Variants in MEGF11 observed in about 807,000 individuals in gnomAD.
MEGF11 encodes the protein multiple EGF like domains 11, also known as multiple epidermal growth factor-like domains protein 11.
MEGF11 carries 126 observed loss-of-function variants against 146.6 expected under a neutral mutation model. The ratio of observed to expected loss-of-function variants is 0.86; its 90% CI spans 0.74 to 1.00. MEGF11 has a LOEUF of 1.00. Ranked by LOEUF, MEGF11 falls within the 50% of genes least tolerant of loss-of-function variation. The pLI is 0.00. For missense variants in MEGF11, 1,509 were observed against 1,521.2 expected (o/e 0.99, Z 0.13); for synonymous variants, 532 against 583.4 (o/e 0.91, Z 1.27).
At chr15:66,248,002 G>T (rs1267076832) in intron 1 of MEGF11, among the ~76,000 whole-genome samples, 2 of 150,536 alleles carry the variant, frequency 1.3e-5, no homozygotes, top group Non-Finnish European at 1.5e-5. Flanking sequence ...AAAAAAAATT[G>T]TTCTAGGTCA....
intron 5 of MEGF11, among the ~76,000 whole-genome samples, chr15:65,992,451 G>T (rs1596964146): frequency 5.6e-5 from 1 of 17,902 alleles, no homozygotes; most frequent in Non-Finnish European, 1.6e-4. Context: ...GTGTGTGTGT[G>T]GGGGGGGGGG....
intron 5 of MEGF11, among the ~76,000 whole-genome samples, chr15:66,017,585 C>T (rs2082933347): frequency 6.6e-6 from 1 of 152,200 alleles, no homozygotes; most frequent in Non-Finnish European, 1.5e-5. Flanking sequence ...CCTCCCCTCC[C>T]AGGATGCCTC....
intron 1 of MEGF11, among the ~76,000 whole-genome samples, chr15:66,223,722 C>CA (rs2091786909): frequency 6.6e-6 from 1 of 151,436 alleles, no homozygotes; most frequent in African/African-American, 2.4e-5. Context: ...GGCTCAGTCT[C>CA]AAAAAAATAA....
intron 5 of MEGF11, among the ~76,000 whole-genome samples, chr15:66,012,359 T>G (rs2082734911): frequency 6.6e-6 from 1 of 152,194 alleles, no homozygotes; most frequent in South Asian, 2.1e-4. Context: ...CTCCGCTCCC[T>G]AGTTAGTGGC....
chr15:65,914,259 T>G, intron 19 of MEGF11: 1 of 520,938 alleles, frequency 1.9e-6, no homozygotes, highest in East Asian at 2.9e-5. Context: ...ATTAATTCAT[T>G]TACTCTTCAG....
At chr15:66,064,399 A>G (rs964548532) in intron 5 of MEGF11, among the ~76,000 whole-genome samples, 6 of 152,208 alleles carry the variant, frequency 3.9e-5, no homozygotes, top group African/African-American at 7.2e-5. Context: ...CGCTGTATCA[A>G]ACAACTTCAA....
chr15:66,230,579 G>T (rs932376847), intron 1 of MEGF11, among the ~76,000 whole-genome samples: 16 of 152,204 alleles, frequency 1.1e-4, no homozygotes, highest in African/African-American at 3.9e-4. Context: ...AATAATGATA[G>T]ATGTCTTACA....
Position 65,922,400 on chromosome 15 carries a change from C to G in MEGF11, c.1895G>C (p.Cys632Ser). Residue 632 changes from cysteine (C) to serine (S), a missense_variant, in exon 15 of 26, where the codon TGC (cysteine) becomes TCC (serine). Physicochemically the swap from Cys to Ser is moderately radical, Grantham distance 112 (BLOSUM62 -1). Transcript: ENST00000395614. ...CPLCVHSSRP[C>S]HHISGICECL... ...CTCACAGATGCCGCTGATGTGGTGG[C>G]AGGGCCTGCTGCTGTGCACGCAGAG... is the stretch of plus-strand genomic sequence containing the variant. The G allele has an allele frequency of 1.3e-6, 2 of 1,598,218 alleles. No homozygotes were observed. The highest frequency in any genetic ancestry group is 1.7e-6 in the Non-Finnish European group (2 of 1,172,844).
chr15:66,059,806 C>T (rs530713917), intron 5 of MEGF11, among the ~76,000 whole-genome samples: 4 of 152,238 alleles, frequency 2.6e-5, no homozygotes, highest in Admixed American at 6.5e-5. Flanking sequence ...AGAAGAAGCC[C>T]GGCTCCCAGG....
chr15:66,210,546 G>A (rs917042131), intron 1 of MEGF11, among the ~76,000 whole-genome samples: 4 of 152,120 alleles, frequency 2.6e-5, no homozygotes, highest in Non-Finnish European at 5.9e-5. Flanking sequence ...CCCAGGCCAA[G>A]TATCTTGCAA....
At chr15:66,023,802 G>A (rs552925892) in intron 5 of MEGF11, among the ~76,000 whole-genome samples, 1 of 152,260 alleles carries the variant, frequency 6.6e-6, no homozygotes, top group Non-Finnish European at 1.5e-5. Flanking sequence ...CTGTCAGAGA[G>A]TGCCAATCAC....
intron 1 of MEGF11, among the ~76,000 whole-genome samples, chr15:66,180,851 A>C (rs1429813355): frequency 6.6e-6 from 1 of 152,242 alleles, no homozygotes; most frequent in Non-Finnish European, 1.5e-5. Context: ...ATTTAAATAC[A>C]GCAAAGGAAC....
At chr15:65,956,504 TCA>T (rs1334849767) in intron 10 of MEGF11, among the ~76,000 whole-genome samples, 2 of 152,180 alleles carry the variant, frequency 1.3e-5, no homozygotes, top group African/African-American at 2.4e-5. Flanking sequence ...TGGTCCAAGG[TCA>T]CACAATTGGT....
intron 1 of MEGF11, among the ~76,000 whole-genome samples, chr15:66,201,487 C>T (rs1015048939): frequency 6.6e-6 from 1 of 152,156 alleles, no homozygotes; most frequent in South Asian, 2.1e-4. Flanking sequence ...TGAGGCCAAG[C>T]AGCACTGGAC....
intron 5 of MEGF11, among the ~76,000 whole-genome samples, chr15:66,041,118 G>A (rs2083957771): frequency 6.6e-6 from 1 of 152,142 alleles, no homozygotes; most frequent in Non-Finnish European, 1.5e-5. Context: ...TTTGAGATGG[G>A]CAGGTTTGTT....
intron 4 of MEGF11, among the ~76,000 whole-genome samples, chr15:66,115,726 G>A (rs780728014): frequency 6.6e-6 from 1 of 152,200 alleles, no homozygotes; most frequent in African/African-American, 2.4e-5. Flanking sequence ...GTTAAAATGA[G>A]GTCATTAGAG....
chr15:66,085,984 A>T (rs1017515650), intron 5 of MEGF11, among the ~76,000 whole-genome samples: 1 of 152,234 alleles, frequency 6.6e-6, no homozygotes, highest in African/African-American at 2.4e-5. Flanking sequence ...TAAAAAATTC[A>T]GGAAACTTTG....
chr15:66,046,761 T>C lies in MEGF11; in HGVS notation c.394+47641A>G, dbSNP rs536160345. 2.0e-3 allele frequency among the ~76,000 whole-genome samples: 300 copies of C among 152,332 alleles called. 3 individuals are homozygous for C. Among genetic ancestry groups the C allele is most frequent in the East Asian group, 7.7e-4 (4 of 5,184 alleles). On this transcript the variant is annotated intron_variant, in intron 5 of 25. Transcript: ENST00000395614. Reference sequence around the variant, plus strand: ...CTCAATACCCAGCCAAGCCTGACTTTGCTAACACACACAGTAGGCTTTGCT... The same window carrying C: ...CTCAATACCCAGCCAAGCCTGACTTCGCTAACACACACAGTAGGCTTTGCT...
chr15:66,245,629 C>T (rs927857732), intron 1 of MEGF11, among the ~76,000 whole-genome samples: 3 of 152,014 alleles, frequency 2.0e-5, no homozygotes, highest in Non-Finnish European at 4.4e-5. Context: ...GACCCTGTCT[C>T]CAAAAACAAA....
Sources: gnomAD v4.1 joint callset for allele counts (sites outside exome capture counted in the v4.1 genomes callset) on GRCh38, gnomAD v4.1.1 for gene constraint, MANE v1.5 for transcripts, NCBI Gene and HGNC (gene_info 2026-07-23, HGNC 2026-07-21) for gene names.